The following SPAG16 variants were observed in gnomAD, a reference collection of about 807,000 sequenced individuals.
SPAG16 encodes sperm associated antigen 16.
A neutral mutation model predicts 80.4 loss-of-function variants in SPAG16; 86 were observed. That is an observed-to-expected ratio of 1.07 (90% confidence interval 0.90 to 1.28). The LOEUF (loss-of-function observed/expected upper bound fraction) is 1.28, where lower values mean the gene tolerates loss of function less well. SPAG16 is among the 50% of genes most tolerant of loss of function. The pLI, the probability that SPAG16 is intolerant of heterozygous loss-of-function variation, is 0.00. For missense variants in SPAG16, 870 were observed against 765.3 expected (o/e 1.14, Z -1.61); for synonymous variants, 294 against 265.9 (o/e 1.11, Z -1.03).
chr2:213,822,716 T>C (rs1359973567), intron 10 of SPAG16, among the ~76,000 whole-genome samples: 5 of 152,052 alleles, frequency 3.3e-5, no homozygotes, highest in Non-Finnish European at 7.4e-5. Context: ...GTCCTCTAAG[T>C]TCCCTCTCCT....
intron 10 of SPAG16, among the ~76,000 whole-genome samples, chr2:213,691,647 A>G (rs2125296672): frequency 6.6e-6 from 1 of 152,296 alleles, no homozygotes; most frequent in African/African-American, 2.4e-5. Context: ...GATAGCTAGA[A>G]ACTCTGTTTG....
Position 213,930,082 on chromosome 2 carries a change from C to T in SPAG16, c.1337C>T (p.Ser446Phe). 1.2e-6 allele frequency: 2 copies of T among 1,614,004 alleles called. No individual in the cohort carries two copies. Among genetic ancestry groups the T allele is most frequent in the South Asian group, 1.1e-5 (1 of 91,022 alleles). The change falls in exon 12 of 16, where the codon TCC (serine) becomes TTC (phenylalanine). Residue 446 changes from serine to phenylalanine, a missense_variant. Physicochemically the swap from Ser to Phe is radical, Grantham distance 155. Coordinates refer to ENST00000331683, the MANE Select transcript of SPAG16 (RefSeq NM_024532.5). ...SRAVWSCTWH[S>F]CGNFVASSSL... ...GCAGTGTGGTCCTGCACATGGCACTCCTGCGGCAATTTTGTGGCTTCCTCC... is the reference window on the plus strand; with the variant it reads ...GCAGTGTGGTCCTGCACATGGCACTTCTGCGGCAATTTTGTGGCTTCCTCC...
At chr2:213,821,627 G>A (rs777310315) in intron 10 of SPAG16, among the ~76,000 whole-genome samples, 27 of 152,020 alleles carry the variant, frequency 1.8e-4, no homozygotes, top group Non-Finnish European at 3.7e-4. Context: ...TCACCATGTT[G>A]TGTTATCAAA....
At chr2:213,572,590 C>T (rs573042381) in intron 10 of SPAG16, among the ~76,000 whole-genome samples, 99 of 152,264 alleles carry the variant, frequency 6.5e-4, no homozygotes, top group Non-Finnish European at 1.1e-3. Context: ...AGGCAGTCGG[C>T]GGGTTCTCAG....
At chr2:213,307,198 AT>A (rs994971619) in intron 3 of SPAG16, among the ~76,000 whole-genome samples, 7 of 150,776 alleles carry the variant, frequency 4.6e-5, no homozygotes, top group African/African-American at 1.5e-4. Context: ...GTTTTTTTTT[AT>A]TTTTTTTACT....
chr2:213,795,435 A>T (rs571336893), intron 10 of SPAG16, among the ~76,000 whole-genome samples: 1 of 152,338 alleles, frequency 6.6e-6, no homozygotes, highest in South Asian at 2.1e-4. Flanking sequence ...TATGCTTTCA[A>T]CATTTTTCTA....
chr2:214,057,935 T>TC, intron 13 of SPAG16, among the ~76,000 whole-genome samples: 1 of 152,174 alleles, frequency 6.6e-6, no homozygotes, highest in East Asian at 1.9e-4. Flanking sequence ...TTTTTTTTTT[T>TC]CCTCTCTCAG....
chr2:214,376,411 C>T (rs1408898672), intron 15 of SPAG16, among the ~76,000 whole-genome samples: 1 of 152,078 alleles, frequency 6.6e-6, no homozygotes, highest in Non-Finnish European at 1.5e-5. Context: ...TGTGCAAAAT[C>T]ATTTAGACCA....
chr2:213,495,351 T>C (rs1196418881), intron 10 of SPAG16, among the ~76,000 whole-genome samples: 1 of 152,252 alleles, frequency 6.6e-6, no homozygotes, highest in South Asian at 2.1e-4. Context: ...ATTTGTTGGT[T>C]GTAGAGTTCT....
chr2:213,889,652 T>G (rs2076704499), intron 11 of SPAG16, among the ~76,000 whole-genome samples: 1 of 149,108 alleles, frequency 6.7e-6, no homozygotes, highest in African/African-American at 2.4e-5. Flanking sequence ...CACACACATA[T>G]ATACATATAC....
chr2:213,627,033 G>A (rs1193968777), intron 10 of SPAG16, among the ~76,000 whole-genome samples: 1 of 152,056 alleles, frequency 6.6e-6, no homozygotes, highest in African/African-American at 2.4e-5. Context: ...CCTATCTTTG[G>A]CATTTCCTAT....
chr2:214,372,098 C>G (rs548593135), intron 15 of SPAG16, among the ~76,000 whole-genome samples: 28 of 152,266 alleles, frequency 1.8e-4, no homozygotes, highest in African/African-American at 6.5e-4. Flanking sequence ...GGTCTCTCCT[C>G]TTTTGCATAA....
chr2:214,310,536 G>A (rs1695223586), intron 15 of SPAG16, among the ~76,000 whole-genome samples: 1 of 152,120 alleles, frequency 6.6e-6, no homozygotes, highest in Non-Finnish European at 1.5e-5. Flanking sequence ...TGGTGCCAGA[G>A]CCAGTTTCCC....
chr2:213,858,895 A>G (rs1444538982), intron 10 of SPAG16, among the ~76,000 whole-genome samples: 2 of 152,150 alleles, frequency 1.3e-5, no homozygotes, highest in Non-Finnish European at 2.9e-5. Context: ...AAAAATAAAA[A>G]GTCCGCCAGG....
intron 12 of SPAG16, among the ~76,000 whole-genome samples, chr2:213,993,691 T>C (rs2046386066): frequency 6.6e-6 from 1 of 152,192 alleles, no homozygotes; most frequent in Admixed American, 6.5e-5. Flanking sequence ...AACAAACATA[T>C]TGAATCCAAA....
chr2:214,302,136 C>T (rs919987956), intron 15 of SPAG16, among the ~76,000 whole-genome samples: 1 of 152,022 alleles, frequency 6.6e-6, no homozygotes, highest in Non-Finnish European at 1.5e-5. Flanking sequence ...CACTATGTTC[C>T]CAGAAGATAC....
intron 9 of SPAG16, among the ~76,000 whole-genome samples, chr2:213,383,177 A>C (rs907305006): frequency 6.6e-6 from 1 of 152,146 alleles, no homozygotes; most frequent in Non-Finnish European, 1.5e-5. Context: ...ACCTCCTTTT[A>C]TAAAAGTAAG....
At chr2:213,747,807 GGATACAT>G (rs1320774187) in intron 10 of SPAG16, among the ~76,000 whole-genome samples, 1 of 152,048 alleles carries the variant, frequency 6.6e-6, no homozygotes, top group Non-Finnish European at 1.5e-5. Context: ...CGTCTTTAAG[GGATACAT>G]GACTATGGTT....
chr2:213,751,780 C>T (rs748081386), intron 10 of SPAG16, among the ~76,000 whole-genome samples: 13 of 152,190 alleles, frequency 8.5e-5, no homozygotes, highest in East Asian at 3.9e-4. Context: ...TGTGAAAGGA[C>T]GACCTGGTCA....
Sources: allele counts gnomAD v4.1 joint callset (sites outside exome capture counted in the v4.1 genomes callset), GRCh38; gene constraint gnomAD v4.1.1; transcripts MANE v1.5; gene names NCBI Gene and HGNC (gene_info 2026-07-23, HGNC 2026-07-21).